L3MBTL4: variants seen among roughly 807,000 people sequenced by gnomAD.
L3MBTL4 encodes the protein L3MBTL histone methyl-lysine binding protein 4.
A neutral mutation model predicts 84.5 loss-of-function variants in L3MBTL4; 70 were observed. That is an observed-to-expected ratio of 0.83 (90% CI 0.68 to 1.01). The LOEUF is 1.01. Among genes scored for constraint, L3MBTL4 ranks in the 50% least tolerant of loss-of-function variants. The pLI, the probability that L3MBTL4 is intolerant of heterozygous loss-of-function variation, is 0.00. For missense variants in L3MBTL4, 715 were observed against 754.8 expected, an observed-to-expected ratio of 0.95 and a Z score of 0.62; for synonymous variants, 274 against 259.8, an observed-to-expected ratio of 1.05 and a Z score of -0.52.
chr18:6,160,277 T>A (rs556972376), intron 13 of L3MBTL4, among the ~76,000 whole-genome samples: 15 of 152,330 alleles, frequency 9.8e-5, no homozygotes, highest in Non-Finnish European at 2.2e-4. Flanking sequence ...CTACCTTTTG[T>A]GTTGCAAGTC....
chr18:6,018,403 C>T (rs990572992), intron 16 of L3MBTL4, among the ~76,000 whole-genome samples: 1 of 152,158 alleles, frequency 6.6e-6, no homozygotes, highest in Non-Finnish European at 1.5e-5. Flanking sequence ...AGGGCTGAGC[C>T]CCCACTGCAA....
At chr18:6,050,111 T>C (rs2056787012) in intron 16 of L3MBTL4, among the ~76,000 whole-genome samples, 1 of 152,184 alleles carries the variant, frequency 6.6e-6, no homozygotes, top group South Asian at 2.1e-4. Flanking sequence ...TGCTACTCAA[T>C]TGGGCATAAT....
At chr18:6,294,967 T>C (rs1344968329) in intron 4 of L3MBTL4, among the ~76,000 whole-genome samples, 1 of 152,140 alleles carries the variant, frequency 6.6e-6, no homozygotes, top group East Asian at 1.9e-4. Flanking sequence ...ACATAAAAAC[T>C]GTTTTCATAA....
At chr18:6,306,281 A>G (rs1053427835) in intron 3 of L3MBTL4, among the ~76,000 whole-genome samples, 6 of 152,186 alleles carry the variant, frequency 3.9e-5, no homozygotes, top group Non-Finnish European at 7.3e-5. Context: ...CCATCACTCT[A>G]CTGGAATTCA....
intron 1 of L3MBTL4, among the ~76,000 whole-genome samples, chr18:6,346,975 C>A (rs2052937507): frequency 6.6e-6 from 1 of 152,092 alleles, no homozygotes; most frequent in South Asian, 2.1e-4. Context: ...TACACATATA[C>A]AATGCAGCAT....
At chr18:6,007,935 G>C (rs1294975988) in intron 16 of L3MBTL4, among the ~76,000 whole-genome samples, 2 of 152,194 alleles carry the variant, frequency 1.3e-5, no homozygotes, top group African/African-American at 2.4e-5. Flanking sequence ...AAGTTTGCTT[G>C]CTTATGCCTA....
At chr18:6,223,121 A>G (rs1355115642) in intron 10 of L3MBTL4, among the ~76,000 whole-genome samples, 2 of 152,052 alleles carry the variant, frequency 1.3e-5, no homozygotes, top group African/African-American at 2.4e-5. Flanking sequence ...ATTCTAGAGA[A>G]TCTAAAAAAA....
At chr18:6,095,649 C>T (rs1274854240) in intron 14 of L3MBTL4, among the ~76,000 whole-genome samples, 1 of 152,038 alleles carries the variant, frequency 6.6e-6, no homozygotes, top group African/African-American at 2.4e-5. Flanking sequence ...CGCACCCGGC[C>T]GGGGACATGG....
intron 1 of L3MBTL4, among the ~76,000 whole-genome samples, chr18:6,385,362 A>G (rs548803899): frequency 6.6e-6 from 1 of 152,362 alleles, no homozygotes; most frequent in South Asian, 2.1e-4. Context: ...TGACTGCACC[A>G]CTGCAATGCA....
intron 14 of L3MBTL4, among the ~76,000 whole-genome samples, chr18:6,112,412 G>A (rs1231954653): frequency 6.6e-6 from 1 of 152,182 alleles, no homozygotes; most frequent in African/African-American, 2.4e-5. Context: ...AAGCGGATAA[G>A]CATGTCTTTA....
chr18:6,038,560 T>C (rs1019087830), intron 16 of L3MBTL4, among the ~76,000 whole-genome samples: 1 of 152,124 alleles, frequency 6.6e-6, no homozygotes, highest in Non-Finnish European at 1.5e-5. Context: ...GGCCTCTGGA[T>C]CATTTTTTGA....
At chr18:6,288,062 C>A (rs1030836136) in intron 4 of L3MBTL4, among the ~76,000 whole-genome samples, 11 of 152,116 alleles carry the variant, frequency 7.2e-5, no homozygotes, top group Non-Finnish European at 1.6e-4. Context: ...AAAGAGAAAT[C>A]TTAAAGTTTG....
intron 16 of L3MBTL4, among the ~76,000 whole-genome samples, chr18:6,003,827 G>T (rs2054336689): frequency 6.6e-6 from 1 of 152,004 alleles, no homozygotes; most frequent in African/African-American, 2.4e-5. Flanking sequence ...AATATTGAGA[G>T]ACAAATTTAC....
intron 1 of L3MBTL4, among the ~76,000 whole-genome samples, chr18:6,360,347 G>A (rs1168026456): frequency 1.3e-5 from 2 of 152,164 alleles, no homozygotes; most frequent in African/African-American, 2.4e-5. Flanking sequence ...CTCCAGCCTA[G>A]GTGAAAGAGT....
chr18:6,090,277 T>C (rs370116475), intron 15 of L3MBTL4, among the ~76,000 whole-genome samples: 4 of 152,116 alleles, frequency 2.6e-5, no homozygotes, highest in East Asian at 1.9e-4. Flanking sequence ...AGTACATATA[T>C]AAATCTCTCA....
At chr18:6,324,341 G>A (rs556302387) in intron 1 of L3MBTL4, among the ~76,000 whole-genome samples, 1 of 152,294 alleles carries the variant, frequency 6.6e-6, no homozygotes, top group African/African-American at 2.4e-5. Flanking sequence ...TGAGAAGAAG[G>A]CCACTGCCCT....
intron 14 of L3MBTL4, among the ~76,000 whole-genome samples, chr18:6,097,452 G>A (rs1204765955): frequency 6.6e-6 from 1 of 152,138 alleles, no homozygotes; most frequent in African/African-American, 2.4e-5. Flanking sequence ...CAGCAACACT[G>A]AGCCCCTGAG....
intron 16 of L3MBTL4, among the ~76,000 whole-genome samples, chr18:6,072,625 G>A (rs2057698466): frequency 6.6e-6 from 1 of 150,502 alleles, no homozygotes; most frequent in African/African-American, 2.4e-5. Flanking sequence ...TGAATCATGA[G>A]GTCAGGAGAT....
intron 13 of L3MBTL4, among the ~76,000 whole-genome samples, chr18:6,138,633 C>T (rs1278781022): frequency 1.3e-5 from 2 of 152,104 alleles, no homozygotes; most frequent in Admixed American, 6.5e-5. Flanking sequence ...CTCACTGCAA[C>T]CTCTGCCTCC....
Sources: allele counts gnomAD v4.1 joint callset (sites outside exome capture counted in the v4.1 genomes callset), GRCh38; gene constraint gnomAD v4.1.1; transcripts MANE v1.5; gene names NCBI Gene and HGNC (gene_info 2026-07-23, HGNC 2026-07-21).